The following MYO3B variants were observed in gnomAD, a reference collection of about 807,000 sequenced individuals.
MYO3B encodes the protein myosin-IIIb.
Under a neutral mutation model 174.6 loss-of-function variants are expected in MYO3B, and 156 were observed. That is an observed-to-expected ratio of 0.89 (90% CI 0.78 to 1.02). The LOEUF (loss-of-function observed/expected upper bound fraction) is 1.02. Ranked by LOEUF, MYO3B falls within the 50% of genes least tolerant of loss-of-function variation. MYO3B has a pLI of 0.00. For synonymous variants in MYO3B, 563 were observed against 569.1 expected (o/e 0.99, Z 0.15); for missense variants, 1,632 against 1,639.4 (o/e 1.00, Z 0.08).
intron 25 of MYO3B, 26 bp from the exon 26 acceptor site, chr2:170,498,566 C>G: frequency 1.3e-6 from 2 of 1,517,832 alleles, no homozygotes; most frequent in Non-Finnish European, 1.8e-6. Context: ...ACTGAAAAGG[C>G]TTCACTTAAT....
chr2:170,520,372 T>C (rs375030020), intron 30 of MYO3B, among the ~76,000 whole-genome samples: 171 of 152,060 alleles, frequency 1.1e-3, no homozygotes, highest in African/African-American at 3.9e-3. Context: ...AGTATCACTT[T>C]AGCCCAGGAA....
intron 5 of MYO3B, among the ~76,000 whole-genome samples, chr2:170,216,400 G>A (rs2092828700): frequency 6.6e-6 from 1 of 152,170 alleles, no homozygotes; most frequent in African/African-American, 2.4e-5. Context: ...AGGTGTGACT[G>A]TTGTGATTAT....
intron 7 of MYO3B, among the ~76,000 whole-genome samples, chr2:170,256,239 C>T (rs2093303447): frequency 6.6e-6 from 1 of 152,046 alleles, no homozygotes; most frequent in South Asian, 2.1e-4. Flanking sequence ...AAAAATTTCC[C>T]CAATTTCACA....
chr2:170,452,278 C>A (rs1359948977), intron 23 of MYO3B, among the ~76,000 whole-genome samples: 1 of 152,096 alleles, frequency 6.6e-6, no homozygotes, highest in African/African-American at 2.4e-5. Context: ...CTTTCAATTC[C>A]TGGGGTTCCA....
chr2:170,352,891 G>A (rs2094087116), intron 8 of MYO3B, among the ~76,000 whole-genome samples: 1 of 152,134 alleles, frequency 6.6e-6, no homozygotes, highest in African/African-American at 2.4e-5. Context: ...ACCAAAATCT[G>A]GAACACTGAC....
At chr2:170,400,420 T>TTA (rs1553482693) in intron 17 of MYO3B, 106 bp downstream of exon 17, 14,816 of 1,210,192 alleles carry the variant, frequency 0.012, 54 homozygotes, top group Non-Finnish European at 0.014. Context: ...TTTTTTTTTT[T>TTA]ATCGAGATGG....
chr2:170,625,385 T>C (rs1696321943), intron 32 of MYO3B, among the ~76,000 whole-genome samples: 1 of 152,220 alleles, frequency 6.6e-6, no homozygotes, highest in Admixed American at 6.5e-5. Context: ...TGATGGTAGT[T>C]TGTATTTCTG....
intron 32 of MYO3B, among the ~76,000 whole-genome samples, chr2:170,646,128 G>A (rs1402347133): frequency 7.9e-5 from 12 of 151,916 alleles, no homozygotes; most frequent in Non-Finnish European, 1.2e-4. Context: ...AAAATTAGCC[G>A]GGCGTGGCGG....
intron 7 of MYO3B, among the ~76,000 whole-genome samples, chr2:170,256,671 T>C (rs2093307355): frequency 6.6e-6 from 1 of 152,128 alleles, no homozygotes; most frequent in African/African-American, 2.4e-5. Flanking sequence ...AACTACACAA[T>C]TGAGACTACA....
rs979428635 is a variant in MYO3B at position 170,536,012 on chromosome 2, C to G, written c.3576-6894C>G. 2.6e-5 allele frequency among the ~76,000 whole-genome samples: 4 copies of G among 152,198 alleles called. No homozygotes were observed. In the East Asian group the frequency reaches 7.7e-4, roughly 29 times the overall value. Reference sequence around the variant, plus strand: ...TTGAGTGTCCTTTTTTCCAATAAAGCAAGCATTCTCAGCAGAATGAAGAAA... The same window carrying G: ...TTGAGTGTCCTTTTTTCCAATAAAGGAAGCATTCTCAGCAGAATGAAGAAA... On this transcript the variant is annotated intron_variant, in intron 30 of 34. Transcript: ENST00000408978.
At position 170,543,049 on chromosome 2, in the gene MYO3B, G is replaced by A. The variant is rs1041008241; in HGVS notation, c.3636+83G>A. On this transcript the variant is annotated intron_variant, in intron 31 of 34. Coordinates refer to ENST00000408978, the MANE Select transcript of MYO3B (RefSeq NM_138995.5). The stretch of plus-strand genomic sequence containing the variant: ...GTTCATAGGCATGAAGCTTGTCTGC[G>A]GCTGCGTGGTTGGACCATCCAAACT... 4.3e-5 allele frequency: 50 copies of A among 1,173,602 alleles called. 1 individual carries two copies. Among genetic ancestry groups the A allele is most frequent in the African/African-American group, 2.8e-4 (18 of 65,218 alleles). 72.7% of individuals were successfully genotyped at this position (1,173,602 alleles called of 1,614,324 possible). A position where few individuals can be genotyped will look rare whatever the true frequency, so the allele number is the denominator to read the frequency against.
At chr2:170,356,506 G>A (rs1361054787) in intron 8 of MYO3B, among the ~76,000 whole-genome samples, 1 of 151,854 alleles carries the variant, frequency 6.6e-6, no homozygotes, top group South Asian at 2.1e-4. Context: ...GGGATTACAG[G>A]CATCCATCAC....
intron 8 of MYO3B, among the ~76,000 whole-genome samples, chr2:170,336,799 G>A (rs2093950013): frequency 6.6e-6 from 1 of 152,120 alleles, no homozygotes; most frequent in Non-Finnish European, 1.5e-5. Flanking sequence ...TGTGTAAACA[G>A]CTATGAACCT....
chr2:170,363,809 C>A (rs544349032), intron 8 of MYO3B, among the ~76,000 whole-genome samples: 1 of 152,062 alleles, frequency 6.6e-6, no homozygotes, highest in African/African-American at 2.4e-5. Context: ...GAGTCTCTTG[C>A]ATATATCTCA....
intron 23 of MYO3B, among the ~76,000 whole-genome samples, chr2:170,455,621 T>C (rs1353737223): frequency 6.6e-6 from 1 of 152,216 alleles, no homozygotes; most frequent in East Asian, 1.9e-4. Flanking sequence ...TGATTTCAGA[T>C]AGGAAACACT....
At chr2:170,632,868 A>C (rs1206687077) in intron 32 of MYO3B, among the ~76,000 whole-genome samples, 1 of 152,206 alleles carries the variant, frequency 6.6e-6, no homozygotes, top group African/African-American at 2.4e-5. Context: ...CTATGCAAAT[A>C]AACTAGAAAA....
chr2:170,477,897 C>T (rs1418176139), intron 25 of MYO3B, among the ~76,000 whole-genome samples: 2 of 152,048 alleles, frequency 1.3e-5, no homozygotes, highest in Non-Finnish European at 1.5e-5. Context: ...AGCTGTTCAG[C>T]GATGTCATCA....
At chr2:170,283,899 G>A (rs2093533445) in intron 7 of MYO3B, among the ~76,000 whole-genome samples, 1 of 152,212 alleles carries the variant, frequency 6.6e-6, no homozygotes, top group Non-Finnish European at 1.5e-5. Context: ...ATGAGTGAGT[G>A]CAAAGATGCA....
chr2:170,297,040 G>C (rs1051933030), intron 7 of MYO3B, among the ~76,000 whole-genome samples: 13 of 152,170 alleles, frequency 8.5e-5, no homozygotes, highest in Non-Finnish European at 1.3e-4. Context: ...CATGAGATTT[G>C]GGTGGGTACA....
Sources: allele counts gnomAD v4.1 joint callset (sites outside exome capture counted in the v4.1 genomes callset), GRCh38; gene constraint gnomAD v4.1.1; transcripts MANE v1.5; gene names NCBI Gene and HGNC (gene_info 2026-07-23, HGNC 2026-07-21).